SAMMSON: variants seen among roughly 807,000 people sequenced by gnomAD.
The protein encoded by SAMMSON is survival associated mitochondrial melanoma specific oncogenic non-coding RNA.
rs539426328 is a variant in SAMMSON at position 70,385,088 on chromosome 3, A to C, written n.914-4486A>C. On this transcript the variant is annotated intron_variant and non_coding_transcript_variant, in intron 9 of 9. Transcript: ENST00000642114. ...AAAGCCAGAATGTGTCCATCTTTCTAAGGAATGTCTAGGCCCATGAACTTT... is the reference window on the plus strand; with the variant it reads ...AAAGCCAGAATGTGTCCATCTTTCTCAGGAATGTCTAGGCCCATGAACTTT... Among the ~76,000 whole-genome samples, 14 of 152,254 alleles carry C rather than the reference A, an allele frequency of 9.2e-5. 1 individual carries two copies. In the South Asian group the frequency reaches 2.9e-3, roughly 32 times the overall value.
At chr3:70,340,429 C>A (rs1184360915) in intron 7 of SAMMSON, among the ~76,000 whole-genome samples, 2 of 151,782 alleles carry the variant, frequency 1.3e-5, no homozygotes, top group Non-Finnish European at 2.9e-5. Flanking sequence ...GAAAGCCCTG[C>A]TTGAAATGTT....
At chr3:70,271,851 C>T (rs1202159586) in intron 6 of SAMMSON, 2 of 152,294 alleles carry the variant, frequency 1.3e-5, no homozygotes, top group Non-Finnish European at 2.9e-5. Context: ...GCAACCTCCA[C>T]CTCCCGGGTT....
At chr3:70,226,323 A>T (rs1701506731) in intron 4 of SAMMSON, among the ~76,000 whole-genome samples, 1 of 152,300 alleles carries the variant, frequency 6.6e-6, no homozygotes. Context: ...ATAGCATGTG[A>T]TGAGACGTAT....
At chr3:70,433,366 C>A (rs1701431187) in intron 2 of SAMMSON, among the ~76,000 whole-genome samples, 1 of 152,042 alleles carries the variant, frequency 6.6e-6, no homozygotes, top group Non-Finnish European at 1.5e-5. Flanking sequence ...AATAGGTGTG[C>A]ACTGGTATTT....
intron 6 of SAMMSON, among the ~76,000 whole-genome samples, chr3:70,254,363 C>G (rs1302052664): frequency 6.6e-6 from 1 of 152,082 alleles, no homozygotes; most frequent in Non-Finnish European, 1.5e-5. Flanking sequence ...CAATTATTCT[C>G]AATTATTATT....
At chr3:70,277,861 C>T (rs77523646) in intron 6 of SAMMSON, among the ~76,000 whole-genome samples, 1 of 152,238 alleles carries the variant, frequency 6.6e-6, no homozygotes, top group East Asian at 1.9e-4. Context: ...CAAGACAGAT[C>T]TGATTAAGGT....
chr3:70,117,484 T>A (rs2067416230), intron 4 of SAMMSON, among the ~76,000 whole-genome samples: 1 of 152,182 alleles, frequency 6.6e-6, no homozygotes, highest in Non-Finnish European at 1.5e-5. Context: ...AGAGAAAGAA[T>A]TTTAAAAAGG....
At chr3:70,334,495 A>T (rs1243600545) in intron 7 of SAMMSON, among the ~76,000 whole-genome samples, 1 of 152,036 alleles carries the variant, frequency 6.6e-6, no homozygotes, top group Non-Finnish European at 1.5e-5. Context: ...TAAATGAGAA[A>T]ATTAGACACT....
chr3:70,099,975 C>T (rs1388727008), intron 4 of SAMMSON, among the ~76,000 whole-genome samples: 2 of 152,182 alleles, frequency 1.3e-5, no homozygotes, highest in Admixed American at 1.3e-4. Context: ...GTTTTGCCAA[C>T]TTCACATATG....
At chr3:70,297,041 G>A (rs910868702) in intron 7 of SAMMSON, among the ~76,000 whole-genome samples, 1 of 151,918 alleles carries the variant, frequency 6.6e-6, no homozygotes, top group African/African-American at 2.4e-5. Flanking sequence ...TAACCAAGGT[G>A]TGCTGATTGA....
chr3:70,289,217 T>C (rs1487371261), intron 6 of SAMMSON, among the ~76,000 whole-genome samples: 5 of 150,808 alleles, frequency 3.3e-5, no homozygotes, highest in African/African-American at 1.2e-4. Context: ...CTTTCCATGT[T>C]TAGCGCTTCC....
At chr3:70,415,842 C>T (rs1376683930) in intron 2 of SAMMSON, among the ~76,000 whole-genome samples, 1 of 152,088 alleles carries the variant, frequency 6.6e-6, no homozygotes, top group African/African-American at 2.4e-5. Context: ...ACCGAGCTAC[C>T]CTTTAATTAT....
intron 8 of SAMMSON, chr3:70,354,407 T>G (rs1176718334): frequency 6.6e-6 from 1 of 152,212 alleles, no homozygotes; most frequent in Non-Finnish European, 1.5e-5. Flanking sequence ...GAATACTGAC[T>G]GAAGCAATTC....
chr3:70,024,580 G>A (rs1327760726), intron 3 of SAMMSON, among the ~76,000 whole-genome samples: 1 of 152,138 alleles, frequency 6.6e-6, no homozygotes, highest in Non-Finnish European at 1.5e-5. Flanking sequence ...ATGCTCTGCT[G>A]CCTCCCAGCT....
At chr3:70,163,462 T>C (rs2067624667) in intron 4 of SAMMSON, among the ~76,000 whole-genome samples, 1 of 151,794 alleles carries the variant, frequency 6.6e-6, no homozygotes, top group South Asian at 2.1e-4. Context: ...CTTTCATTAG[T>C]ATATAGAAAT....
At chr3:70,224,596 C>T (rs1008535793) in intron 4 of SAMMSON, among the ~76,000 whole-genome samples, 1 of 152,154 alleles carries the variant, frequency 6.6e-6, no homozygotes, top group Non-Finnish European at 1.5e-5. Context: ...TTTACAACTG[C>T]CCCTTTGGCT....
chr3:70,005,572 T>C (rs1269699856), intron 1 of SAMMSON, among the ~76,000 whole-genome samples: 2 of 152,044 alleles, frequency 1.3e-5, no homozygotes, highest in Non-Finnish European at 2.9e-5. Context: ...ACTGGCAGAG[T>C]GTCACCCCCA....
chr3:70,286,895 G>C (rs1702170849), intron 6 of SAMMSON, among the ~76,000 whole-genome samples: 1 of 151,832 alleles, frequency 6.6e-6, no homozygotes. Flanking sequence ...TGTGATTTTT[G>C]TACATTGATT....
rs577877114 is a variant in SAMMSON, at chr3:70,168,222, T to C, written n.508-80885T>C. ...CATCACGCAGGCTAGTGACCTTCAG[T>C]ATTTCCTGGCCACAGATACCTGCCT... On this transcript the variant is annotated intron_variant and non_coding_transcript_variant, in intron 4 of 9. Transcript: ENST00000642114. Among the ~76,000 whole-genome samples the C allele has an allele frequency of 1.1e-4, 16 of 151,816 alleles. No individual in the cohort carries two copies. In the East Asian group the frequency reaches 2.9e-3, roughly 28 times the overall value.
Sources: gnomAD v4.1 joint callset for allele counts (sites outside exome capture counted in the v4.1 genomes callset) on GRCh38, gnomAD v4.1.1 for gene constraint, MANE v1.5 for transcripts, NCBI Gene and HGNC (gene_info 2026-07-23, HGNC 2026-07-21) for gene names.